The following TRPC3 variants were observed in gnomAD, a reference collection of about 807,000 sequenced individuals.
The protein encoded by TRPC3 is transient receptor potential cation channel subfamily C member 3, also known as short transient receptor potential channel 3.
Under a neutral mutation model 90.9 loss-of-function variants are expected in TRPC3, and 54 were observed. That is an observed-to-expected ratio of 0.59 (90% confidence interval 0.48 to 0.75). The LOEUF is 0.75. TRPC3 is among the 30% of genes least tolerant of loss of function. The pLI is 0.00. For synonymous variants in TRPC3, 424 were observed against 450.9 expected (o/e 0.94, Z 0.75); for missense variants, 918 against 1,194.5 (o/e 0.77, Z 3.41).
In TRPC3 at chr4:121,920,868, C is replaced by A. The variant is rs189643327; in HGVS notation, c.1176+4150G>T. ...AAGAAGATCAATCTTTTGTGAGATA[C>A]AATCGAAAAAACATTTTTCCTAGTA... is the stretch of plus-strand genomic sequence containing the variant. On this transcript the variant is annotated intron_variant, in intron 3 of 11. Coordinates refer to ENST00000379645, the MANE Select transcript of TRPC3 (RefSeq NM_001130698.2). Among the ~76,000 whole-genome samples the A allele has an allele frequency of 4.3e-4, 66 of 152,172 alleles. No homozygotes were observed. In the South Asian group the frequency reaches 5.2e-3, roughly 12 times the overall value.
intron 10 of TRPC3, among the ~76,000 whole-genome samples, chr4:121,889,741 G>A (rs1209706063): frequency 6.6e-6 from 1 of 152,106 alleles, no homozygotes; most frequent in African/African-American, 2.4e-5. Flanking sequence ...CAAAGGAAAT[G>A]AAATCAGTAT....
At chr4:121,899,921 G>A (rs1728645876) in intron 9 of TRPC3, among the ~76,000 whole-genome samples, 1 of 152,118 alleles carries the variant, frequency 6.6e-6, no homozygotes, top group African/African-American at 2.4e-5. Context: ...TACTGTAATA[G>A]AACTATTTAA....
intron 3 of TRPC3, among the ~76,000 whole-genome samples, chr4:121,916,538 G>C (rs1729323908): frequency 6.6e-6 from 1 of 152,146 alleles, no homozygotes. Flanking sequence ...TCATGAGGGA[G>C]GAGCCTTCAT....
Position 121,887,588 on chromosome 4 carries a change from G to A in TRPC3, c.2548-5159C>T, listed in dbSNP as rs1412342509. Among the ~76,000 whole-genome samples, 12 of 152,068 alleles carry A rather than the reference G, an allele frequency of 7.9e-5. 1 individual carries two copies. The highest frequency in any genetic ancestry group is 3.9e-4 in the Admixed American group (6 of 15,250). ...GGATTGGACCAGAGTCCACCACCTG[G>A]GCCAAAGACTGTCCAATACTGTATT... On this transcript the variant is annotated intron_variant, in intron 10 of 11. Coordinates refer to ENST00000379645, the MANE Select transcript of TRPC3 (RefSeq NM_001130698.2).
At chr4:121,881,737 C>T (rs1421853570) in intron 11 of TRPC3, among the ~76,000 whole-genome samples, 1 of 151,972 alleles carries the variant, frequency 6.6e-6, no homozygotes, top group Non-Finnish European at 1.5e-5. Flanking sequence ...TTATTTCTCC[C>T]TGGTTGATTT....
chr4:121,894,277 T>C (rs1728434003), intron 10 of TRPC3, among the ~76,000 whole-genome samples: 1 of 152,118 alleles, frequency 6.6e-6, no homozygotes, highest in African/African-American at 2.4e-5. Context: ...TATATAATAA[T>C]AAGGGGATCA....
chr4:121,922,084 A>G (rs554150763), intron 3 of TRPC3, among the ~76,000 whole-genome samples: 1 of 151,590 alleles, frequency 6.6e-6, no homozygotes, highest in South Asian at 2.1e-4. Flanking sequence ...ACGCCCGTCT[A>G]ATTTTTTTGT....
chr4:121,942,713 CTCAT>C (rs1203501720), intron 1 of TRPC3, among the ~76,000 whole-genome samples: 4 of 152,234 alleles, frequency 2.6e-5, no homozygotes, highest in Admixed American at 6.5e-5. Context: ...TGCTTTATCT[CTCAT>C]TCTTTTCATA....
chr4:121,933,040 G>A lies in TRPC3; in HGVS notation c.218C>T (p.Ser73Phe), dbSNP rs779409909. Reference protein sequence around the residue: ...PPPFSHGPDLSMEGSPSLRRM... With the variant: ...PPPFSHGPDLFMEGSPSLRRM... Reference sequence around the variant, plus strand: ...TCTCAGGGATGGGCTTCCCTCCATGGACCTAATCAGTAGCAACGATAAAAC... The same window carrying A: ...TCTCAGGGATGGGCTTCCCTCCATGAACCTAATCAGTAGCAACGATAAAAC... Residue 73 changes from serine to phenylalanine, a missense_variant and splice_region_variant, in exon 2 of 12, where the codon TCC becomes TTC. Ser to Phe is a radical substitution (Grantham distance 155, BLOSUM62 -2). This residue lies in a region of TRPC3 where 609 missense variants were observed against 725.9 expected (regional missense o/e 0.84). Coordinates refer to ENST00000379645, the MANE Select transcript of TRPC3 (RefSeq NM_001130698.2). 82 of 1,564,410 alleles carry A rather than the reference G, an allele frequency of 5.2e-5. 1 individual carries two copies. The highest frequency in any genetic ancestry group is 1.9e-4 in the Admixed American group (10 of 52,644).
At chr4:121,921,663 G>A (rs1459465734) in intron 3 of TRPC3, among the ~76,000 whole-genome samples, 3 of 152,092 alleles carry the variant, frequency 2.0e-5, no homozygotes, top group Non-Finnish European at 2.9e-5. Context: ...CAGGGGGTGG[G>A]GGAGTCCATA....
In TRPC3 at chr4:121,879,777, G is replaced by A. The variant is rs369424795; in HGVS notation, c.2725C>T (p.Leu909Phe). The A allele has an allele frequency of 6.2e-7, 1 of 1,608,884 alleles. No homozygotes were observed. The highest frequency in any genetic ancestry group is 1.7e-5 in the Admixed American group (1 of 58,976). The change falls in exon 12 of 12, where the codon CTT becomes TTT. Residue 909 changes from leucine to phenylalanine, a missense_variant. Physicochemically the swap from Leu to Phe is conservative, Grantham distance 22. Coordinates refer to ENST00000379645, the MANE Select transcript of TRPC3 (RefSeq NM_001130698.2). ...TEELAILIHK[L>F]SEKLNPSMLR... is the part of the protein sequence containing the mutation. ...ATGCTGGGATTCAGTTTCTCACTAAGTTTATGAATTAGAATGGCTAATTCC... is the reference window on the plus strand; with the variant it reads ...ATGCTGGGATTCAGTTTCTCACTAAATTTATGAATTAGAATGGCTAATTCC...
At chr4:121,892,348 T>C (rs1235743791) in intron 10 of TRPC3, among the ~76,000 whole-genome samples, 1 of 152,220 alleles carries the variant, frequency 6.6e-6, no homozygotes, top group Non-Finnish European at 1.5e-5. Context: ...CCATTGCAGA[T>C]AGGTGGTTTG....
chr4:121,899,660 A>T lies in TRPC3; in HGVS notation c.2499T>A (p.Phe833Leu). The T allele has an allele frequency of 6.2e-7, 1 of 1,613,566 alleles. No individual in the cohort carries two copies. The highest frequency in any genetic ancestry group is 2.2e-5 in the East Asian group (1 of 44,782). Residue 833 changes from phenylalanine (F) to leucine (L), a missense_variant, in exon 10 of 12, where the codon TTT becomes TTA. Around this residue, in one of 4 missense-constraint regions of TRPC3, gnomAD observed 121 missense variants for 135.7 expected, o/e 0.89. Coordinates refer to ENST00000379645, the MANE Select transcript of TRPC3 (RefSeq NM_001130698.2). ...NLFTQSNSRVFESHSFNSILN... is the reference protein window; with the variant it reads ...NLFTQSNSRVLESHSFNSILN... The stretch of plus-strand genomic sequence containing the variant: ...GAATGCTGTTAAAACTGTGTGATTC[A>T]AAAACTCTTGAGTTAGACTGAGTGA...
intron 1 of TRPC3, among the ~76,000 whole-genome samples, chr4:121,933,821 A>G (rs571754012): frequency 1.3e-5 from 2 of 152,300 alleles, no homozygotes. Context: ...CCCATCCCCA[A>G]GTTATAGGAT....
At chr4:121,941,185 G>T (rs1359239599) in intron 1 of TRPC3, among the ~76,000 whole-genome samples, 2 of 152,168 alleles carry the variant, frequency 1.3e-5, no homozygotes, top group Non-Finnish European at 2.9e-5. Flanking sequence ...TGGGTGTTTG[G>T]GTTGAATCAC....
chr4:121,920,759 AC>A (rs1729473694), intron 3 of TRPC3, among the ~76,000 whole-genome samples: 3 of 152,164 alleles, frequency 2.0e-5, no homozygotes, highest in African/African-American at 7.2e-5. Flanking sequence ...CTCTTCTGTG[AC>A]ATGCCTATTC....
At chr4:121,930,910 AG>A in intron 2 of TRPC3, 1 of 337,414 alleles carries the variant, frequency 3.0e-6, no homozygotes, top group Admixed American at 4.8e-5. Flanking sequence ...ATCTCTTCAA[AG>A]GGGTTAGATA....
intron 3 of TRPC3, among the ~76,000 whole-genome samples, chr4:121,921,944 A>G (rs1578637592): frequency 7.6e-6 from 1 of 132,332 alleles, no homozygotes; most frequent in Non-Finnish European, 1.6e-5. Context: ...TTCGAGTCGG[A>G]GTCTCGCTCT....
intron 3 of TRPC3, among the ~76,000 whole-genome samples, chr4:121,923,733 G>A (rs1228025316): frequency 3.3e-5 from 5 of 152,156 alleles, no homozygotes; most frequent in African/African-American, 4.8e-5. Flanking sequence ...AGGAGCACAT[G>A]GTGATGTCAG....
Sources: allele counts gnomAD v4.1 joint callset (sites outside exome capture counted in the v4.1 genomes callset), GRCh38; gene constraint gnomAD v4.1.1; regional missense constraint gnomAD v4.1.1; transcripts MANE v1.5; gene names NCBI Gene and HGNC (gene_info 2026-07-23, HGNC 2026-07-21).